Variants in KCNC2 observed in about 807,000 individuals in gnomAD.
KCNC2 encodes voltage-gated potassium channel KCNC2.
KCNC2 carries 21 observed loss-of-function variants against 44.5 expected under a neutral mutation model. The ratio of observed to expected loss-of-function variants is 0.47; its 90% CI spans 0.33 to 0.68. The LOEUF (loss-of-function observed/expected upper bound fraction) is 0.68. Among genes scored for constraint, KCNC2 ranks in the 30% least tolerant of loss-of-function variants. KCNC2 has a pLI of 0.01. For synonymous variants in KCNC2, 391 were observed against 339.1 expected (o/e 1.15, Z -1.68); for missense variants, 589 against 826.2 (o/e 0.71, Z 3.52).
chr12:75,160,546 T>C (rs1891055024), intron 2 of KCNC2, among the ~76,000 whole-genome samples: 1 of 151,830 alleles, frequency 6.6e-6, no homozygotes, highest in African/African-American at 2.4e-5. Context: ...TCTCCACAAA[T>C]TACTTTCTAT....
In KCNC2 at chr12:75,199,048, G is replaced by A. The variant is rs12579064; in HGVS notation, c.687+8249C>T. Reference sequence around the variant, plus strand: ...TTTTAAAATCCTGGATAAAATATTGGTGTAAAATAAGAGAATTTATGCAAC... The same window carrying A: ...TTTTAAAATCCTGGATAAAATATTGATGTAAAATAAGAGAATTTATGCAAC... On this transcript the variant is annotated intron_variant, in intron 2 of 4. Coordinates refer to ENST00000549446, the MANE Select transcript of KCNC2 (RefSeq NM_139137.4). Among the ~76,000 whole-genome samples the A allele has an allele frequency of 3.3e-5, 5 of 151,660 alleles. No homozygotes were observed. The East Asian group carries it at 9.6e-4, about 29-fold the overall frequency.
intron 2 of KCNC2, among the ~76,000 whole-genome samples, chr12:75,194,660 T>C (rs935182172): frequency 3.3e-5 from 5 of 152,194 alleles, no homozygotes; most frequent in African/African-American, 1.2e-4. Flanking sequence ...TAAAAATATT[T>C]GATAACTAGA....
rs1339101714 is a variant in KCNC2 at position 75,147,926 on chromosome 12, C to A, written c.687+59371G>T. Among the ~76,000 whole-genome samples, 9 of 152,180 alleles carry A rather than the reference C, an allele frequency of 5.9e-5. No individual in the cohort carries two copies. The South Asian group carries it at 1.2e-3, about 21-fold the overall frequency. The stretch of plus-strand genomic sequence containing the variant: ...GAGTAAATATAAAAAGTATTATAGT[C>A]CAAACTACAAATACATTTAAATATC... On this transcript the variant is annotated intron_variant, in intron 2 of 4. Transcript: ENST00000549446.
chr12:75,149,809 G>A (rs1310529840), intron 2 of KCNC2, among the ~76,000 whole-genome samples: 1 of 151,570 alleles, frequency 6.6e-6, no homozygotes, highest in African/African-American at 2.4e-5. Context: ...ATTAAATTTA[G>A]ACTGAAAAAA....
At chr12:75,193,871 AT>A (rs2030526609) in intron 2 of KCNC2, among the ~76,000 whole-genome samples, 1 of 152,162 alleles carries the variant, frequency 6.6e-6, no homozygotes, top group Non-Finnish European at 1.5e-5. Context: ...ATCTGAAGAG[AT>A]TCAATAGTAT....
intron 3 of KCNC2, 32 bp downstream of exon 3, chr12:75,050,358 T>C: frequency 6.9e-7 from 1 of 1,454,994 alleles, no homozygotes. Flanking sequence ...CTATAAAGTA[T>C]TTAATAACAT....
chr12:75,202,300 G>T (rs2031349145), intron 2 of KCNC2, among the ~76,000 whole-genome samples: 2 of 151,760 alleles, frequency 1.3e-5, no homozygotes, highest in African/African-American at 2.4e-5. Context: ...TATATCACTT[G>T]TATGTATATT....
At chr12:75,164,844 T>A (rs1276015608) in intron 2 of KCNC2, among the ~76,000 whole-genome samples, 1 of 151,626 alleles carries the variant, frequency 6.6e-6, no homozygotes, top group Admixed American at 6.6e-5. Flanking sequence ...CAAAATAGAA[T>A]TAAAATTTAT....
At chr12:75,199,804 A>C (rs1161524732) in intron 2 of KCNC2, among the ~76,000 whole-genome samples, 1 of 151,842 alleles carries the variant, frequency 6.6e-6, no homozygotes, top group Non-Finnish European at 1.5e-5. Context: ...ATCAAACAAA[A>C]GTAGAAAAAC....
chr12:75,173,079 T>C (rs1364328142), intron 2 of KCNC2, among the ~76,000 whole-genome samples: 2 of 151,904 alleles, frequency 1.3e-5, no homozygotes, highest in East Asian at 1.9e-4. Context: ...TACCATCCCT[T>C]TGAATATTGG....
In KCNC2 at chr12:75,051,296, A is replaced by G. The variant is rs201918890; in HGVS notation, c.709T>C (p.Phe237Leu). ...AARFIAFASL[F>L]FILVSITTFC... The stretch of plus-strand genomic sequence containing the variant: ...GTTGTAATTGAAACCAGGATGAAGA[A>G]TAAAGAAGCAAAAGCAATAAACTGT... The change falls in exon 3 of 5, where the codon TTC becomes CTC. Residue 237 changes from phenylalanine (F) to leucine (L), a missense_variant. This residue lies in a region of KCNC2 where 26 missense variants were observed against 50.4 expected (regional missense o/e 0.52). Coordinates refer to ENST00000549446, the MANE Select transcript of KCNC2 (RefSeq NM_139137.4). 24 of 1,590,188 alleles carry G rather than the reference A, an allele frequency of 1.5e-5. No homozygotes were observed. Among genetic ancestry groups the G allele is most frequent in the African/African-American group, 8.1e-5 (6 of 74,124 alleles).
Position 75,120,587 on chromosome 12 carries a change from A to G in KCNC2, c.688-69270T>C, listed in dbSNP as rs891285375. Among the ~76,000 whole-genome samples, 3 of 152,208 alleles carry G rather than the reference A, an allele frequency of 2.0e-5. 1 individual carries two copies. The South Asian group carries it at 6.2e-4, about 31-fold the overall frequency. ...TAAGATCACAACTGAAGCCAAAGCCATGAAAAGAATATCCTGTCCCTGACA... is the reference window on the plus strand; with the variant it reads ...TAAGATCACAACTGAAGCCAAAGCCGTGAAAAGAATATCCTGTCCCTGACA... On this transcript the variant is annotated intron_variant, in intron 2 of 4. Coordinates refer to ENST00000549446, the MANE Select transcript of KCNC2 (RefSeq NM_139137.4).
chr12:75,185,025 G>C (rs544153696), intron 2 of KCNC2, among the ~76,000 whole-genome samples: 2 of 152,084 alleles, frequency 1.3e-5, no homozygotes, highest in African/African-American at 4.8e-5. Context: ...GCATAAAGCC[G>C]GAAGAAAACG....
intron 2 of KCNC2, among the ~76,000 whole-genome samples, chr12:75,170,838 G>A (rs540397607): frequency 6.6e-6 from 1 of 151,914 alleles, no homozygotes; most frequent in Admixed American, 6.6e-5. Context: ...TTCTGGCACA[G>A]CATAGCTCAG....
At chr12:75,159,525 G>A (rs1409472687) in intron 2 of KCNC2, among the ~76,000 whole-genome samples, 1 of 151,834 alleles carries the variant, frequency 6.6e-6, no homozygotes, top group South Asian at 2.1e-4. Flanking sequence ...TTATCAGTGT[G>A]GGGGAAATGC....
chr12:75,093,085 G>A (rs1885625801), intron 2 of KCNC2, among the ~76,000 whole-genome samples: 1 of 150,518 alleles, frequency 6.6e-6, no homozygotes, highest in African/African-American at 2.4e-5. Flanking sequence ...AGGAAATGAG[G>A]GTGGAGAGTG....
chr12:75,059,616 A>G (rs1293859835), intron 2 of KCNC2, among the ~76,000 whole-genome samples: 2 of 152,094 alleles, frequency 1.3e-5, no homozygotes, highest in African/African-American at 2.4e-5. Context: ...TCACTTGGTT[A>G]TATCCCAGTC....
At chr12:75,169,273 C>A (rs981698520) in intron 2 of KCNC2, among the ~76,000 whole-genome samples, 11 of 151,360 alleles carry the variant, frequency 7.3e-5, no homozygotes, top group Non-Finnish European at 1.6e-4. Flanking sequence ...GAGCATTGAA[C>A]AAAAACATTT....
At chr12:75,051,366 T>TAC in intron 2 of KCNC2, 49 bp from the exon 3 acceptor site, 1 of 1,026,602 alleles carries the variant, frequency 9.7e-7, no homozygotes, top group Non-Finnish European at 1.4e-6. Context: ...TGAATCGTAA[T>TAC]ATATGTTGAT....
Sources: gnomAD v4.1 joint callset for allele counts (sites outside exome capture counted in the v4.1 genomes callset) on GRCh38, gnomAD v4.1.1 for gene constraint, gnomAD v4.1.1 regional missense constraint, MANE v1.5 for transcripts, NCBI Gene and HGNC (gene_info 2026-07-23, HGNC 2026-07-21) for gene names.